Variants in KMT2C observed in about 807,000 individuals in gnomAD.
The protein encoded by KMT2C is histone-lysine N-methyltransferase 2C.
Under a neutral mutation model 507.9 loss-of-function variants are expected in KMT2C, and 88 were observed. The ratio of observed to expected loss-of-function variants is 0.17; its 90% CI spans 0.15 to 0.21. The LOEUF (loss-of-function observed/expected upper bound fraction) is 0.21, where lower values mean the gene tolerates loss of function less well. Ranked by LOEUF, KMT2C falls within the 10% of genes least tolerant of loss-of-function variation. The pLI is 1.00. For synonymous variants in KMT2C, 2,049 were observed against 2,080.8 expected, an observed-to-expected ratio of 0.98 and a Z score of 0.42; for missense variants, 4,954 against 5,957.8, an observed-to-expected ratio of 0.83 and a Z score of 5.55.
intron 3 of KMT2C, among the ~76,000 whole-genome samples, chr7:152,320,566 A>G (rs2096764389): frequency 6.7e-6 from 1 of 149,728 alleles, no homozygotes; most frequent in Non-Finnish European, 1.5e-5. Flanking sequence ...AGCATTTTGG[A>G]TAGGAGAAAC....
intron 3 of KMT2C, among the ~76,000 whole-genome samples, chr7:152,329,498 A>G (rs993855021): frequency 2.0e-5 from 3 of 151,940 alleles, no homozygotes; most frequent in Non-Finnish European, 2.9e-5. Flanking sequence ...TGAGCCTGGG[A>G]GGTTGAGCCT....
intron 3 of KMT2C, among the ~76,000 whole-genome samples, chr7:152,325,443 C>T (rs967168614): frequency 1.3e-5 from 2 of 150,442 alleles, no homozygotes; most frequent in African/African-American, 2.4e-5. Flanking sequence ...CCACCGCACC[C>T]GGCCCCTTTT....
At chr7:152,288,526 C>CT (rs2096348550) in intron 6 of KMT2C, among the ~76,000 whole-genome samples, 1 of 151,582 alleles carries the variant, frequency 6.6e-6, no homozygotes, top group Non-Finnish European at 1.5e-5. Context: ...GAGCAAAACT[C>CT]TGACAATAAA....
At chr7:152,425,339 G>A (rs537658899) in intron 1 of KMT2C, among the ~76,000 whole-genome samples, 1 of 152,304 alleles carries the variant, frequency 6.6e-6, no homozygotes, top group African/African-American at 2.4e-5. Flanking sequence ...ACTTTGGAAG[G>A]CCAAGGTGGG....
At chr7:152,313,100 G>T (rs915767745) in intron 4 of KMT2C, among the ~76,000 whole-genome samples, 2 of 151,790 alleles carry the variant, frequency 1.3e-5, no homozygotes, top group African/African-American at 4.8e-5. Context: ...TTTTTAAAAG[G>T]TATAGCATGC....
chr7:152,170,637 G>C (rs1428038494), intron 40 of KMT2C, among the ~76,000 whole-genome samples: 1 of 152,032 alleles, frequency 6.6e-6, no homozygotes, highest in African/African-American at 2.4e-5. Flanking sequence ...CAAGTAGCTG[G>C]GACTATAGGT....
chr7:152,287,548 G>A (rs995339374), intron 6 of KMT2C, among the ~76,000 whole-genome samples: 2 of 152,136 alleles, frequency 1.3e-5, no homozygotes, highest in Non-Finnish European at 2.9e-5. Flanking sequence ...ATAAAATGCA[G>A]AGCTTCATAA....
At chr7:152,398,704 T>C (rs935929839) in intron 1 of KMT2C, among the ~76,000 whole-genome samples, 2 of 151,570 alleles carry the variant, frequency 1.3e-5, no homozygotes, top group African/African-American at 2.4e-5. Context: ...CCCAGCCCCT[T>C]TTACTTTTTA....
intron 1 of KMT2C, among the ~76,000 whole-genome samples, chr7:152,430,669 C>G (rs1375024771): frequency 1.3e-5 from 2 of 152,188 alleles, no homozygotes; most frequent in African/African-American, 2.4e-5. Context: ...GTAGTTGGGA[C>G]TACAGGTGCC....
Position 152,180,941 on chromosome 7 carries a change from T to C in KMT2C, c.6919A>G (p.Arg2307Gly), listed in dbSNP as rs772283102. Residue 2307 changes from arginine (R) to glycine (G), a missense_variant, in exon 36 of 59, where the codon AGA becomes GGA. Arg to Gly is a moderately radical substitution (Grantham distance 125). Coordinates refer to ENST00000262189, the MANE Select transcript of KMT2C (RefSeq NM_170606.3). ...GTTCCAAAAGAGTCAGACTGAGATC[T>C]TGGAGTCATTGGAGACTGATCATAG... ...DPYDQSPMTP[R>G]SQSDSFGTSQ... The C allele has an allele frequency of 2.5e-5, 41 of 1,614,058 alleles. 1 individual carries two copies. The Middle Eastern group carries it at 6.6e-4, about 26-fold the overall frequency.
intron 15 of KMT2C, among the ~76,000 whole-genome samples, chr7:152,238,119 A>C (rs2095316638): frequency 6.6e-6 from 1 of 152,306 alleles, no homozygotes; most frequent in Admixed American, 6.5e-5. Flanking sequence ...ATATTCCAGA[A>C]TATTAAATAT....
intron 2 of KMT2C, among the ~76,000 whole-genome samples, chr7:152,335,790 G>A (rs2129215622): frequency 6.6e-6 from 1 of 152,234 alleles, no homozygotes; most frequent in Non-Finnish European, 1.5e-5. Flanking sequence ...AGAGCCAGAA[G>A]GAAATAGAAA....
At chr7:152,328,943 A>AC (rs2096855410) in intron 3 of KMT2C, among the ~76,000 whole-genome samples, 1 of 152,106 alleles carries the variant, frequency 6.6e-6, no homozygotes, top group African/African-American at 2.4e-5. Context: ...CAAGCATGGT[A>AC]CTGGACATGT....
At chr7:152,224,668 C>G in intron 18 of KMT2C, 52 bp from the exon 19 acceptor site, 1 of 871,474 alleles carries the variant, frequency 1.1e-6, no homozygotes, top group Non-Finnish European at 1.8e-6. Flanking sequence ...CTAACATAAT[C>G]AAATATACTA....
intron 22 of KMT2C, among the ~76,000 whole-genome samples, chr7:152,221,569 T>C (rs1240971907): frequency 6.6e-6 from 1 of 152,198 alleles, no homozygotes; most frequent in Non-Finnish European, 1.5e-5. Context: ...TCAGGTGCTA[T>C]TAAATACAAA....
intron 18 of KMT2C, among the ~76,000 whole-genome samples, chr7:152,227,399 C>T (rs2360927): frequency 2.0e-5 from 3 of 152,214 alleles, no homozygotes; most frequent in African/African-American, 7.2e-5. Context: ...TACGGATACA[C>T]GCTTCAACTA....
intron 22 of KMT2C, 64 bp from the exon 23 acceptor site, chr7:152,220,799 T>C: frequency 2.5e-6 from 3 of 1,210,694 alleles, no homozygotes; most frequent in Non-Finnish European, 3.6e-6. Flanking sequence ...CTGATTACTG[T>C]TCCAAAATAC....
intron 6 of KMT2C, among the ~76,000 whole-genome samples, chr7:152,280,087 T>C (rs1160183487): frequency 6.6e-6 from 1 of 152,280 alleles, no homozygotes; most frequent in African/African-American, 2.4e-5. Flanking sequence ...AATAACCTCT[T>C]TGAAAGCGGA....
At chr7:152,335,312 T>G (rs1247878149) in intron 2 of KMT2C, among the ~76,000 whole-genome samples, 4 of 152,224 alleles carry the variant, frequency 2.6e-5, no homozygotes, top group Non-Finnish European at 1.5e-5. Flanking sequence ...TCATTTCTAC[T>G]CAGAGAGTCC....
Sources: allele counts gnomAD v4.1 joint callset (sites outside exome capture counted in the v4.1 genomes callset), GRCh38; gene constraint gnomAD v4.1.1; transcripts MANE v1.5; gene names NCBI Gene and HGNC (gene_info 2026-07-23, HGNC 2026-07-21).